GPR39: variants seen among roughly 807,000 people sequenced by gnomAD.
GPR39 encodes the protein G protein-coupled receptor 39.
GPR39 carries 23 observed loss-of-function variants against 18.4 expected under a neutral mutation model. That is an observed-to-expected ratio of 1.25 (90% CI 0.90 to 1.77). The LOEUF is 1.77. Ranked by LOEUF, GPR39 falls within the 40% of genes most tolerant of loss-of-function variation. The pLI, the probability that GPR39 is intolerant of heterozygous loss-of-function variation, is 0.00. For missense variants in GPR39, 647 were observed against 602.4 expected, an observed-to-expected ratio of 1.07 and a Z score of -0.78; for synonymous variants, 280 against 257.9, an observed-to-expected ratio of 1.09 and a Z score of -0.82.
intron 1 of GPR39, among the ~76,000 whole-genome samples, chr2:132,498,365 G>A (rs952796443): frequency 6.6e-6 from 1 of 152,256 alleles, no homozygotes; most frequent in African/African-American, 2.4e-5. Flanking sequence ...CGCTTCACTG[G>A]ATGGAGTCTC....
intron 1 of GPR39, among the ~76,000 whole-genome samples, chr2:132,570,841 T>C (rs1680429988): frequency 6.6e-6 from 1 of 152,116 alleles, no homozygotes; most frequent in Non-Finnish European, 1.5e-5. Context: ...CCCCGTTGGT[T>C]CAAATTCTGG....
intron 1 of GPR39, among the ~76,000 whole-genome samples, chr2:132,566,932 G>A (rs746190787): frequency 6.6e-5 from 10 of 152,172 alleles, no homozygotes; most frequent in South Asian, 2.1e-4. Flanking sequence ...TGGCCTTCCC[G>A]GGAGCCTTCT....
intron 1 of GPR39, among the ~76,000 whole-genome samples, chr2:132,455,861 T>C (rs1680712944): frequency 6.6e-6 from 1 of 152,218 alleles, no homozygotes; most frequent in South Asian, 2.1e-4. Context: ...TTGTGATTTC[T>C]CTTGTTTTAC....
chr2:132,563,051 G>T (rs1680283550), intron 1 of GPR39, among the ~76,000 whole-genome samples: 1 of 152,198 alleles, frequency 6.6e-6, no homozygotes, highest in Non-Finnish European at 1.5e-5. Context: ...TGCTCCCAGT[G>T]TTATAAAATG....
At chr2:132,482,292 ATTTTTGACC>A (rs1681250059) in intron 1 of GPR39, among the ~76,000 whole-genome samples, 1 of 151,974 alleles carries the variant, frequency 6.6e-6, no homozygotes. Context: ...TTATTCATTC[ATTTTTGACC>A]CAGTGTTCAC....
At chr2:132,492,833 A>ATG in intron 1 of GPR39, among the ~76,000 whole-genome samples, 2 of 141,220 alleles carry the variant, frequency 1.4e-5, no homozygotes, top group East Asian at 4.2e-4. Context: ...TATACCATAT[A>ATG]CACACCATAT....
intron 1 of GPR39, among the ~76,000 whole-genome samples, chr2:132,551,098 A>C (rs1336851197): frequency 6.6e-6 from 1 of 152,144 alleles, no homozygotes; most frequent in African/African-American, 2.4e-5. Flanking sequence ...CCACTACAAG[A>C]ATTCTGGAAG....
At chr2:132,588,496 G>C (rs1023800740) in intron 1 of GPR39, among the ~76,000 whole-genome samples, 1 of 152,182 alleles carries the variant, frequency 6.6e-6, no homozygotes, top group African/African-American at 2.4e-5. Context: ...TGGAGGCTGG[G>C]GGCTGACTTG....
At chr2:132,585,468 C>G (rs750041403) in intron 1 of GPR39, among the ~76,000 whole-genome samples, 6 of 152,222 alleles carry the variant, frequency 3.9e-5, no homozygotes, top group African/African-American at 1.4e-4. Flanking sequence ...CCGTCCCCTC[C>G]CCGCTTCTCC....
intron 1 of GPR39, among the ~76,000 whole-genome samples, chr2:132,482,765 G>A (rs1017793844): frequency 6.6e-6 from 1 of 152,210 alleles, no homozygotes; most frequent in African/African-American, 2.4e-5. Flanking sequence ...CTTATTAGTA[G>A]TAGTTTGCAA....
At chr2:132,454,045 G>A (rs1680676867) in intron 1 of GPR39, among the ~76,000 whole-genome samples, 1 of 152,148 alleles carries the variant, frequency 6.6e-6, no homozygotes, top group African/African-American at 2.4e-5. Flanking sequence ...GATGCAGATG[G>A]CATTGAATCT....
intron 1 of GPR39, among the ~76,000 whole-genome samples, chr2:132,490,264 G>T (rs1681431242): frequency 6.6e-6 from 1 of 151,856 alleles, no homozygotes; most frequent in Non-Finnish European, 1.5e-5. Context: ...GAGATAGCGA[G>T]AGATGAAAAG....
At chr2:132,627,666 A>G (rs1681576766) in intron 1 of GPR39, among the ~76,000 whole-genome samples, 1 of 152,076 alleles carries the variant, frequency 6.6e-6, no homozygotes, top group Non-Finnish European at 1.5e-5. Flanking sequence ...TGATTCTAAA[A>G]TCTCCCTCAC....
chr2:132,557,058 G>T (rs937372884), intron 1 of GPR39, among the ~76,000 whole-genome samples: 1 of 143,838 alleles, frequency 7.0e-6, no homozygotes, highest in African/African-American at 2.7e-5. Flanking sequence ...GCTCATGCCT[G>T]TAATCCTGGC....
chr2:132,557,870 GC>G (rs1680184266), intron 1 of GPR39, among the ~76,000 whole-genome samples: 1 of 152,128 alleles, frequency 6.6e-6, no homozygotes, highest in Non-Finnish European at 1.5e-5. Flanking sequence ...GCCCGGGGGG[GC>G]TGTAATCAGG....
At chr2:132,616,578 A>G (rs1681338804) in intron 1 of GPR39, among the ~76,000 whole-genome samples, 1 of 152,202 alleles carries the variant, frequency 6.6e-6, no homozygotes, top group Non-Finnish European at 1.5e-5. Flanking sequence ...GACCTTCTGC[A>G]GAATAAAATG....
intron 1 of GPR39, among the ~76,000 whole-genome samples, chr2:132,481,068 A>T (rs559560716): frequency 6.6e-6 from 1 of 152,318 alleles, no homozygotes; most frequent in Admixed American, 6.5e-5. Flanking sequence ...AAAATTTTTT[A>T]TCCTTTTTCA....
chr2:132,603,704 G>A lies in GPR39; in HGVS notation c.857-41397G>A, dbSNP rs114546477. On this transcript the variant is annotated intron_variant, in intron 1 of 1. Coordinates refer to ENST00000329321, the MANE Select transcript of GPR39 (RefSeq NM_001508.3). ...AGGTGATCACAAAGGGTGTACATTT[G>A]TGGGCGTGCGTGTGCGAAATGGGTT... 6.9e-3 allele frequency among the ~76,000 whole-genome samples: 1,052 copies of A among 152,292 alleles called. 11 individuals carry two copies. The highest frequency in any genetic ancestry group is 0.024 in the African/African-American group (986 of 41,568).
At chr2:132,525,971 T>C (rs954290831) in intron 1 of GPR39, among the ~76,000 whole-genome samples, 4 of 152,128 alleles carry the variant, frequency 2.6e-5, no homozygotes, top group African/African-American at 9.7e-5. Context: ...CTTCGTGACA[T>C]CATGACAAAT....
Sources: allele counts gnomAD v4.1 joint callset (sites outside exome capture counted in the v4.1 genomes callset), GRCh38; gene constraint gnomAD v4.1.1; transcripts MANE v1.5; gene names NCBI Gene and HGNC (gene_info 2026-07-23, HGNC 2026-07-21).